CPS1: variants seen among roughly 807,000 people sequenced by gnomAD.
CPS1 encodes carbamoyl-phosphate synthase 1.
Under a neutral mutation model 174.6 loss-of-function variants are expected in CPS1, and 109 were observed. That is an observed-to-expected ratio of 0.62 (90% CI 0.53 to 0.73). The LOEUF (loss-of-function observed/expected upper bound fraction) is 0.73, where lower values mean the gene tolerates loss of function less well. Among genes scored for constraint, CPS1 ranks in the 30% least tolerant of loss-of-function variants. The probability of loss-of-function intolerance (pLI) is 0.00; values close to 1 mark genes in which losing one functional copy is unlikely to be tolerated. For synonymous variants in CPS1, 637 were observed against 632.0 expected (o/e 1.01, Z -0.12); for missense variants, 1,689 against 1,821.9 (o/e 0.93, Z 1.33).
At chr2:210,571,435 C>T (rs1697480114) in intron 1 of CPS1, among the ~76,000 whole-genome samples, 1 of 151,798 alleles carries the variant, frequency 6.6e-6, no homozygotes, top group Non-Finnish European at 1.5e-5. Flanking sequence ...GAAATACAAA[C>T]TTGAAATTCA....
intron 1 of CPS1, among the ~76,000 whole-genome samples, chr2:210,490,724 T>A (rs1236554301): frequency 6.6e-6 from 1 of 152,236 alleles, no homozygotes; most frequent in African/African-American, 2.4e-5. Context: ...TCTTGGGAAA[T>A]GAATCAATTC....
chr2:210,509,541 C>T (rs1695392457), intron 1 of CPS1, among the ~76,000 whole-genome samples: 1 of 152,082 alleles, frequency 6.6e-6, no homozygotes, highest in Admixed American at 6.5e-5. Context: ...GGCAATCAGG[C>T]AGGAGAAGGA....
intron 1 of CPS1, among the ~76,000 whole-genome samples, chr2:210,482,760 G>T (rs946107190): frequency 6.6e-6 from 1 of 151,968 alleles, no homozygotes; most frequent in Non-Finnish European, 1.5e-5. Flanking sequence ...TTGAGTTATC[G>T]TGCCCATCAA....
At chr2:210,623,318 A>G (rs1699592273) in intron 21 of CPS1, among the ~76,000 whole-genome samples, 1 of 152,116 alleles carries the variant, frequency 6.6e-6, no homozygotes, top group South Asian at 2.1e-4. Flanking sequence ...GAGTATTGGA[A>G]GCTAAAATTT....
intron 27 of CPS1, among the ~76,000 whole-genome samples, chr2:210,649,509 T>C (rs926021602): frequency 6.6e-6 from 1 of 152,210 alleles, no homozygotes; most frequent in African/African-American, 2.4e-5. Flanking sequence ...GATAAACTGG[T>C]GAGGTGATGG....
At chr2:210,560,216 T>TTTCA (rs1332705739) in intron 1 of CPS1, among the ~76,000 whole-genome samples, 7 of 152,006 alleles carry the variant, frequency 4.6e-5, no homozygotes, top group South Asian at 2.1e-4. Context: ...TAATAACCTA[T>TTTCA]TTCATTCATT....
At chr2:210,582,113 A>G (rs1697940618) in intron 5 of CPS1, among the ~76,000 whole-genome samples, 1 of 152,086 alleles carries the variant, frequency 6.6e-6, no homozygotes, top group South Asian at 2.1e-4. Context: ...AACAGTGAAT[A>G]TTTTCATTTC....
At chr2:210,523,240 C>G (rs1056358265) in intron 1 of CPS1, among the ~76,000 whole-genome samples, 5 of 152,056 alleles carry the variant, frequency 3.3e-5, no homozygotes, top group Admixed American at 2.0e-4. Flanking sequence ...TCTTTGCTGC[C>G]TTAAACCAGC....
chr2:210,602,078 G>A, intron 15 of CPS1, 124 bp from the exon 16 acceptor site: 1 of 1,157,258 alleles, frequency 8.6e-7, no homozygotes. Flanking sequence ...GGGAATAATA[G>A]AACATTTCTA....
At chr2:210,551,448 G>A (rs1241086851) in intron 1 of CPS1, among the ~76,000 whole-genome samples, 1 of 151,960 alleles carries the variant, frequency 6.6e-6, no homozygotes, top group African/African-American at 2.4e-5. Flanking sequence ...CTTGGTCTGG[G>A]AGTAGTGTCT....
At chr2:210,495,637 G>A (rs1349623366) in intron 1 of CPS1, among the ~76,000 whole-genome samples, 1 of 152,076 alleles carries the variant, frequency 6.6e-6, no homozygotes, top group African/African-American at 2.4e-5. Flanking sequence ...TTTAATCCCG[G>A]AAAAATATTT....
At position 210,642,682 on chromosome 2, in the gene CPS1, A is replaced by T. The variant is rs1187758295; in HGVS notation, c.3141+17A>T. ...CATCAGGAGGTAAGAAAAGAAAAACAGAAAAAAAAGAAAAAAGAAGACAGA... is the reference window on the plus strand; with the variant it reads ...CATCAGGAGGTAAGAAAAGAAAAACTGAAAAAAAAGAAAAAAGAAGACAGA... On this transcript the variant is annotated intron_variant, in intron 25 of 37. Coordinates refer to ENST00000233072, the MANE Select transcript of CPS1 (RefSeq NM_001875.5). The T allele has an allele frequency of 1.9e-6, 3 of 1,607,042 alleles. No individual in the cohort carries two copies. The highest frequency in any genetic ancestry group is 2.6e-6 in the Non-Finnish European group (3 of 1,174,668).
intron 1 of CPS1, among the ~76,000 whole-genome samples, chr2:210,541,442 G>C (rs983104174): frequency 6.6e-6 from 1 of 152,168 alleles, no homozygotes; most frequent in African/African-American, 2.4e-5. Context: ...AATGGCCTCA[G>C]CAAGCAGTAC....
intron 19 of CPS1, among the ~76,000 whole-genome samples, chr2:210,610,252 A>T (rs1257478470): frequency 6.6e-6 from 1 of 151,960 alleles, no homozygotes; most frequent in African/African-American, 2.4e-5. Flanking sequence ...TGAGAAAATT[A>T]TGTAATATTT....
At chr2:210,501,024 A>G (rs542708544) in intron 1 of CPS1, among the ~76,000 whole-genome samples, 77 of 152,130 alleles carry the variant, frequency 5.1e-4, no homozygotes, top group Non-Finnish European at 7.4e-4. Flanking sequence ...CACAGGCTCA[A>G]CACCATGTGG....
In CPS1 at chr2:210,639,740, A is replaced by G. The variant is rs17775057; in HGVS notation, c.2896-256A>G. ...AAATCAAACAAATGAAAAATTAAGG[A>G]CAATGACTACATGATCATACAATTA... On this transcript the variant is annotated intron_variant, in intron 23 of 37. Transcript: ENST00000233072. Among the ~76,000 whole-genome samples the G allele has an allele frequency of 0.032, 4,923 of 152,192 alleles. 94 individuals carry two copies. Among genetic ancestry groups the G allele is most frequent in the Middle Eastern group, 0.075 (22 of 294 alleles).
In CPS1 at chr2:210,577,457, T is replaced by C; in HGVS notation, c.418T>C (p.Tyr140His). ...GLLVLDYSKD[Y>H]NHWLATKSLG... ...GCTGGTGCTGGATTATAGTAAAGAC[T>C]ACAACCACTGGCTGGCTACCAAGAG... The change falls in exon 4 of 38, where the codon TAC becomes CAC. Residue 140 changes from tyrosine to histidine, a missense_variant. Transcript: ENST00000233072. 1 of 1,613,942 alleles carries C rather than the reference T, an allele frequency of 6.2e-7. No individual in the cohort carries two copies. Among genetic ancestry groups the C allele is most frequent in the Non-Finnish European group, 8.5e-7 (1 of 1,179,880 alleles).
At chr2:210,500,454 C>T (rs1384763446) in intron 1 of CPS1, among the ~76,000 whole-genome samples, 2 of 152,202 alleles carry the variant, frequency 1.3e-5, no homozygotes, top group African/African-American at 4.8e-5. Flanking sequence ...TAGTTCCTTC[C>T]TAGATACAGT....
intron 6 of CPS1, among the ~76,000 whole-genome samples, chr2:210,584,051 T>C (rs142274335): frequency 2.0e-5 from 3 of 152,246 alleles, no homozygotes; most frequent in East Asian, 3.9e-4. Context: ...TCATTTGATA[T>C]CTGAGATGTT....
Sources: allele counts gnomAD v4.1 joint callset (sites outside exome capture counted in the v4.1 genomes callset), GRCh38; gene constraint gnomAD v4.1.1; transcripts MANE v1.5; gene names NCBI Gene and HGNC (gene_info 2026-07-23, HGNC 2026-07-21).